GOLM1: variants seen among roughly 807,000 people sequenced by gnomAD.
GOLM1 encodes epididymis luminal protein 46.
A neutral mutation model predicts 50.5 loss-of-function variants in GOLM1; 31 were observed. The observed-to-expected ratio is 0.61, with a 90% CI of 0.46 to 0.83. The LOEUF is 0.83. GOLM1 is among the 40% of genes least tolerant of loss of function. GOLM1 has a pLI of 0.00. For missense variants in GOLM1, 491 were observed against 501.3 expected (o/e 0.98, Z 0.20); for synonymous variants, 178 against 192.8 (o/e 0.92, Z 0.64).
chr9:86,054,330 G>A (rs887255893), intron 3 of GOLM1, among the ~76,000 whole-genome samples: 34 of 150,408 alleles, frequency 2.3e-4, no homozygotes, highest in Admixed American at 2.1e-3. Context: ...GCAATGGCGC[G>A]ATCTCCGGTT....
At chr9:86,065,901 G>A (rs940259202) in intron 3 of GOLM1, among the ~76,000 whole-genome samples, 2 of 152,150 alleles carry the variant, frequency 1.3e-5, no homozygotes, top group East Asian at 3.9e-4. Context: ...TAAGCCAGGC[G>A]TGGTGGCACC....
Position 86,027,383 on chromosome 9 carries a change from C to T in GOLM1, c.*434G>A, listed in dbSNP as rs1832817817. Reference sequence around the variant, plus strand: ...CTTTTCAGTGAGAACAGGTAACAGGCTGGCACCAGCACTTGGTACAGCACG... The same window carrying T: ...CTTTTCAGTGAGAACAGGTAACAGGTTGGCACCAGCACTTGGTACAGCACG... On this transcript the variant is annotated 3_prime_UTR_variant, in exon 10 of 10. Coordinates refer to ENST00000388712, the MANE Select transcript of GOLM1 (RefSeq NM_016548.4). 1.0e-6 allele frequency: 1 copy of T among 991,566 alleles called. No individual in the cohort carries two copies. Among genetic ancestry groups the T allele is most frequent in the Non-Finnish European group, 1.2e-6 (1 of 834,186 alleles). The allele number at this position is 991,566 out of a possible 1,614,324, so 61.4% of individuals were successfully genotyped here. A position where few individuals can be genotyped will look rare whatever the true frequency, so the allele number is the denominator to read the frequency against.
In GOLM1 at chr9:86,027,581, T is replaced by TA. The variant is rs1256296925; in HGVS notation, c.*235dup. 4.6e-6 allele frequency: 6 copies of TA among 1,296,976 alleles called. No individual in the cohort carries two copies. Among genetic ancestry groups the TA allele is most frequent in the Non-Finnish European group, 5.9e-6 (6 of 1,024,582 alleles). The allele number at this position is 1,296,976 out of a possible 1,614,324, so 80.3% of individuals were successfully genotyped here. On this transcript the variant is annotated 3_prime_UTR_variant, in exon 10 of 10. Coordinates refer to ENST00000388712, the MANE Select transcript of GOLM1 (RefSeq NM_016548.4). ...TTTTGGTGTTGAACTTCTCACGAAA[T>TA]ACCTACTACCAAAAATTGTGACACC...
intron 1 of GOLM1, among the ~76,000 whole-genome samples, chr9:86,089,921 G>A (rs1835120646): frequency 6.6e-6 from 1 of 152,160 alleles, no homozygotes. Flanking sequence ...TGATATTGGT[G>A]AACTTCAGAT....
chr9:86,079,239 A>G lies in GOLM1; in HGVS notation c.82T>C (p.Leu28=), dbSNP rs748231312. 1.2e-6 allele frequency: 2 copies of G among 1,610,262 alleles called. No individual in the cohort carries two copies. Among genetic ancestry groups the G allele is most frequent in the East Asian group, 2.2e-5 (1 of 44,794 alleles). ...CTCGCAATCCAGTAGTTGAAGCCCAAGACGATGATGCAGGCCACCAGGGCG... is the reference window on the plus strand; with the variant it reads ...CTCGCAATCCAGTAGTTGAAGCCCAGGACGATGATGCAGGCCACCAGGGCG... The part of the protein sequence containing the change: ...LAALVACIIV[L]GFNYWIASSR... Residue 28 remains leucine, a synonymous_variant, in exon 2 of 10, where the codon TTG becomes CTG. Coordinates refer to ENST00000388712, the MANE Select transcript of GOLM1 (RefSeq NM_016548.4).
intron 6 of GOLM1, 30 bp downstream of exon 6, chr9:86,040,709 A>G (rs1833315105): frequency 1.2e-6 from 2 of 1,600,850 alleles, no homozygotes; most frequent in Middle Eastern, 1.7e-4. Context: ...GGTACCTTCT[A>G]GAAACTCTTG....
At chr9:86,074,349 A>G (rs994252756) in intron 3 of GOLM1, among the ~76,000 whole-genome samples, 5 of 152,150 alleles carry the variant, frequency 3.3e-5, no homozygotes, top group African/African-American at 1.2e-4. Context: ...CTTTGGAAGC[A>G]AGGAGATCTA....
chr9:86,035,545 C>T lies in GOLM1; in HGVS notation c.838G>A (p.Val280Met), dbSNP rs1312645570. The change falls in exon 8 of 10, where the codon GTG becomes ATG. Residue 280 changes from valine to methionine, a missense_variant. By Grantham distance (21) the Val-to-Met change is conservative. Transcript: ENST00000388712. Reference protein sequence around the residue: ...LPQEPGREQVVEDRPVGGRGF... With the variant: ...LPQEPGREQVMEDRPVGGRGF... ...CTTCCACCTACAGGTCTGTCTTCCA[C>T]CACCTGCTCCCGGCCTGGCTCCTGC... 6.2e-7 allele frequency: 1 copy of T among 1,611,628 alleles called. No homozygotes were observed. The highest frequency in any genetic ancestry group is 8.5e-7 in the Non-Finnish European group (1 of 1,179,988).
rs35215928 is a variant in GOLM1, at chr9:86,030,218, CAAAAAAAAAAAA to C, written c.1130-2337_1130-2326del. Among the ~76,000 whole-genome samples the C allele has an allele frequency of 9.8e-4, 72 of 73,446 alleles. 1 individual carries two copies. The South Asian group carries it at 0.032, about 33-fold the overall frequency. 48.2% of individuals were successfully genotyped at this position (73,446 alleles called of 152,430 possible). On this transcript the variant is annotated intron_variant, in intron 9 of 9. Transcript: ENST00000388712. ...GGGCAAGAAGAGTGAGACTCTGTCT[CAAAAAAAAAAAA>C]AAAAAAAAAAAAGAATAGAAGTAAG...
intron 3 of GOLM1, among the ~76,000 whole-genome samples, chr9:86,071,877 T>C (rs1418854628): frequency 6.6e-6 from 1 of 152,194 alleles, no homozygotes; most frequent in Non-Finnish European, 1.5e-5. Flanking sequence ...TGTATGAGTA[T>C]ACTCACTGTA....
chr9:86,057,148 C>A lies in GOLM1; in HGVS notation c.310-4557G>T, dbSNP rs1292109872. On this transcript the variant is annotated intron_variant, in intron 3 of 9. Coordinates refer to ENST00000388712, the MANE Select transcript of GOLM1 (RefSeq NM_016548.4). ...CACCAGAAATTAACTGGAAACTAAA[C>A]CTCAAAGAATCTGGGTGAATTACCC... Among the ~76,000 whole-genome samples, 4 of 152,202 alleles carry A rather than the reference C, an allele frequency of 2.6e-5. No homozygotes were observed. In the East Asian group the frequency reaches 7.7e-4, roughly 29 times the overall value.
intron 1 of GOLM1, among the ~76,000 whole-genome samples, chr9:86,084,349 A>C (rs1834882157): frequency 6.6e-6 from 1 of 152,176 alleles, no homozygotes; most frequent in Non-Finnish European, 1.5e-5. Flanking sequence ...CCACATGTTC[A>C]AGCTTGGTAT....
At chr9:86,085,668 T>A (rs1473946327) in intron 1 of GOLM1, among the ~76,000 whole-genome samples, 1 of 152,150 alleles carries the variant, frequency 6.6e-6, no homozygotes, top group African/African-American at 2.4e-5. Context: ...TGTGTGATGT[T>A]TCCCTCCCTG....
chr9:86,035,570 C>A lies in GOLM1; in HGVS notation c.813G>T (p.Pro271=), dbSNP rs778114709. Residue 271 remains proline, a synonymous_variant, in exon 8 of 10, where the codon CCG becomes CCT. Coordinates refer to ENST00000388712, the MANE Select transcript of GOLM1 (RefSeq NM_016548.4). Reference sequence around the variant, plus strand: ...CCACCTGCTCCCGGCCTGGCTCCTGCGGCAGCCTGTCCCTCTGAGGCTCCT... The same window carrying A: ...CCACCTGCTCCCGGCCTGGCTCCTGAGGCAGCCTGTCCCTCTGAGGCTCCT... ...VNEEPQRDRL[P]QEPGREQVVE... 2 of 1,607,802 alleles carry A rather than the reference C, an allele frequency of 1.2e-6. No individual in the cohort carries two copies. Among genetic ancestry groups the A allele is most frequent in the Non-Finnish European group, 1.7e-6 (2 of 1,179,364 alleles).
chr9:86,035,048 T>C (rs1833091079), intron 8 of GOLM1: 3 of 985,282 alleles, frequency 3.0e-6, no homozygotes, highest in South Asian at 4.7e-5. Flanking sequence ...CATACAAAAA[T>C]GGGGCATGTG....
At chr9:86,093,743 A>G (rs1835260504) in intron 1 of GOLM1, among the ~76,000 whole-genome samples, 1 of 152,268 alleles carries the variant, frequency 6.6e-6, no homozygotes, top group African/African-American at 2.4e-5. Context: ...AAGAAAAGGC[A>G]TATGAAAATG....
intron 3 of GOLM1, among the ~76,000 whole-genome samples, chr9:86,057,135 A>G (rs939236616): frequency 2.2e-4 from 33 of 152,352 alleles, no homozygotes; most frequent in African/African-American, 7.5e-4. Context: ...CCAGAAATTA[A>G]CTGGAAACTA....
At chr9:86,029,642 G>T (rs1317077216) in intron 9 of GOLM1, among the ~76,000 whole-genome samples, 1 of 152,094 alleles carries the variant, frequency 6.6e-6, no homozygotes, top group African/African-American at 2.4e-5. Context: ...TCTTAATAAA[G>T]TTGGAGCTAA....
chr9:86,063,901 T>C (rs1016592031), intron 3 of GOLM1, among the ~76,000 whole-genome samples: 1 of 152,236 alleles, frequency 6.6e-6, no homozygotes, highest in African/African-American at 2.4e-5. Flanking sequence ...ATGAAATCCA[T>C]GCCTCGTCTG....
Sources: gnomAD v4.1 joint callset for allele counts (sites outside exome capture counted in the v4.1 genomes callset) on GRCh38, gnomAD v4.1.1 for gene constraint, MANE v1.5 for transcripts, NCBI Gene and HGNC (gene_info 2026-07-23, HGNC 2026-07-21) for gene names.